TRPM7: variants seen among roughly 807,000 people sequenced by gnomAD.
TRPM7 encodes LTRPC ion channel family member 7.
In TRPM7, 134 loss-of-function variants were observed where a neutral mutation model predicts 229.7. The observed-to-expected ratio is 0.58, with a 90% CI of 0.51 to 0.67. The LOEUF (loss-of-function observed/expected upper bound fraction) is 0.67, where lower values mean the gene tolerates loss of function less well. Among genes scored for constraint, TRPM7 ranks in the 30% least tolerant of loss-of-function variants. The pLI is 0.00. For missense variants in TRPM7, 1,901 were observed against 2,210.0 expected, an observed-to-expected ratio of 0.86 and a Z score of 2.80; for synonymous variants, 699 against 715.2, an observed-to-expected ratio of 0.98 and a Z score of 0.36.
At position 50,637,534 on chromosome 15, in the gene TRPM7, A is replaced by G; in HGVS notation, c.720T>C (p.Asn240=). ...NPLSKLNVLN[N]LHSHFILVDD... ...CCACCAATATGAAATGGGAATGCAG[A>G]TTATTCAAAACATTCAATTTGCTCA... Residue 240 remains asparagine, a synonymous_variant, in exon 7 of 39, where the codon AAT becomes AAC. Transcript: ENST00000646667. The G allele has an allele frequency of 6.2e-7, 1 of 1,614,168 alleles. No individual in the cohort carries two copies. The highest frequency in any genetic ancestry group is 8.5e-7 in the Non-Finnish European group (1 of 1,180,012).
intron 31 of TRPM7, among the ~76,000 whole-genome samples, chr15:50,576,819 G>A (rs918253162): frequency 6.6e-5 from 10 of 152,186 alleles, no homozygotes; most frequent in African/African-American, 2.4e-4. Context: ...AAATTGTTAA[G>A]AGGAGGCCAG....
At chr15:50,635,218 T>C (rs1342675640) in intron 7 of TRPM7, among the ~76,000 whole-genome samples, 4 of 147,316 alleles carry the variant, frequency 2.7e-5, no homozygotes, top group Non-Finnish European at 4.4e-5. Flanking sequence ...TCAGGAGGGC[T>C]GAGGCAGGAG....
intron 4 of TRPM7, among the ~76,000 whole-genome samples, chr15:50,644,012 TG>T (rs1453147572): frequency 6.6e-6 from 1 of 152,216 alleles, no homozygotes. Flanking sequence ...ATTATTTGTA[TG>T]AAAGTTTGGC....
intron 16 of TRPM7, among the ~76,000 whole-genome samples, chr15:50,612,281 G>A (rs1034737698): frequency 3.9e-5 from 6 of 151,996 alleles, no homozygotes; most frequent in African/African-American, 1.5e-4. Flanking sequence ...TGTAGAGACG[G>A]GGTCTGCCTA....
At chr15:50,628,280 T>G in intron 10 of TRPM7, 31 bp from the exon 11 acceptor site, 3 of 1,461,486 alleles carry the variant, frequency 2.1e-6, no homozygotes, top group Non-Finnish European at 2.8e-6. Context: ...GTTGACAGGT[T>G]CAATTAATTT....
At position 50,589,607 on chromosome 15, in the gene TRPM7, C is replaced by T. The variant is rs773353672; in HGVS notation, c.4374G>A (p.Lys1458=). 1.9e-6 allele frequency: 3 copies of T among 1,581,276 alleles called. No individual in the cohort carries two copies. The highest frequency in any genetic ancestry group is 2.6e-6 in the Non-Finnish European group (3 of 1,154,760). Residue 1458 remains lysine (K), a synonymous_variant, in exon 27 of 39, where the codon AAG becomes AAA. Transcript: ENST00000646667. Reference sequence around the variant, plus strand: ...ATTTACTTACGGATAGTATTTTTATCTTGTTTGATGTTTCTTTAAACCTCT... The same window carrying T: ...ATTTACTTACGGATAGTATTTTTATTTTGTTTGATGTTTCTTTAAACCTCT... ...DLQRFKETSN[K]IKILSNNNTS...
intron 38 of TRPM7, among the ~76,000 whole-genome samples, chr15:50,568,542 C>T (rs1486119030): frequency 1.3e-5 from 2 of 152,108 alleles, no homozygotes; most frequent in East Asian, 3.9e-4. Flanking sequence ...ATGGCTGGTA[C>T]TAAGTATCTC....
chr15:50,675,006 A>C (rs190357650), intron 1 of TRPM7, among the ~76,000 whole-genome samples: 2 of 152,232 alleles, frequency 1.3e-5, no homozygotes, highest in African/African-American at 2.4e-5. Flanking sequence ...TTTTTACTAA[A>C]TTTTATGCCT....
intron 17 of TRPM7, among the ~76,000 whole-genome samples, chr15:50,610,178 A>T (rs2060029528): frequency 6.6e-6 from 1 of 152,122 alleles, no homozygotes; most frequent in Non-Finnish European, 1.5e-5. Flanking sequence ...AGAGTAACAA[A>T]ACATTTGATT....
At chr15:50,677,217 A>G (rs146878480) in intron 1 of TRPM7, among the ~76,000 whole-genome samples, 1 of 152,176 alleles carries the variant, frequency 6.6e-6, no homozygotes, top group African/African-American at 2.4e-5. Flanking sequence ...GGGAGTGAAT[A>G]AGCTCTCTGG....
intron 1 of TRPM7, among the ~76,000 whole-genome samples, chr15:50,675,372 C>T (rs1261435871): frequency 1.3e-5 from 2 of 151,864 alleles, no homozygotes; most frequent in African/African-American, 2.4e-5. Context: ...TCTCCTACAG[C>T]CTTCCCTACC....
rs1045683247 is a variant in TRPM7 at position 50,560,033 on chromosome 15, A to C, written c.*1645T>G. The stretch of plus-strand genomic sequence containing the variant: ...GTCTCAAAAAAAAAAAAAAAAAAAA[A>C]AGTATAGCTACTATTATAATCCTGT... On this transcript the variant is annotated 3_prime_UTR_variant, in exon 39 of 39. Coordinates refer to ENST00000646667, the MANE Select transcript of TRPM7 (RefSeq NM_017672.6). 6.9e-6 allele frequency: 1 copy of C among 145,188 alleles called. No individual in the cohort carries two copies. Among genetic ancestry groups the C allele is most frequent in the Non-Finnish European group, 1.5e-5 (1 of 65,582 alleles). 9.0% of individuals were successfully genotyped at this position (145,188 alleles called of 1,614,324 possible).
chr15:50,576,656 G>A (rs2054150465), intron 31 of TRPM7, among the ~76,000 whole-genome samples: 1 of 152,174 alleles, frequency 6.6e-6, no homozygotes, highest in Non-Finnish European at 1.5e-5. Flanking sequence ...CATCCACCCA[G>A]ATGTCACTCC....
intron 11 of TRPM7, among the ~76,000 whole-genome samples, chr15:50,625,074 T>C (rs1318380883): frequency 6.6e-6 from 1 of 152,244 alleles, no homozygotes; most frequent in Non-Finnish European, 1.5e-5. Context: ...TTCAACAGAC[T>C]TGAAATCAAA....
intron 16 of TRPM7, among the ~76,000 whole-genome samples, chr15:50,611,925 T>C (rs1430390840): frequency 6.6e-6 from 1 of 152,246 alleles, no homozygotes; most frequent in Non-Finnish European, 1.5e-5. Flanking sequence ...ATGAACTATG[T>C]CGTTACTCTG....
At chr15:50,655,132 A>T (rs2061525177) in intron 3 of TRPM7, among the ~76,000 whole-genome samples, 1 of 101,072 alleles carries the variant, frequency 9.9e-6, no homozygotes. Flanking sequence ...AAAAAAAGTT[A>T]ATTAAAAAAA....
chr15:50,608,068 A>G lies in TRPM7; in HGVS notation c.2581-740T>C, dbSNP rs1004319960. On this transcript the variant is annotated intron_variant, in intron 19 of 38. Transcript: ENST00000646667. The stretch of plus-strand genomic sequence containing the variant: ...AGACTCTGTCAAAAAAAAAAAAAAA[A>G]AAGAAAGAAAGAAAGAAAAGAAAAG... 2.0e-5 allele frequency among the ~76,000 whole-genome samples: 3 copies of G among 150,058 alleles called. No homozygotes were observed. In the South Asian group the frequency reaches 6.3e-4, roughly 31 times the overall value.
intron 13 of TRPM7, among the ~76,000 whole-genome samples, chr15:50,615,913 A>G (rs2060210555): frequency 6.6e-6 from 1 of 152,158 alleles, no homozygotes; most frequent in African/African-American, 2.4e-5. Context: ...ATATATATAT[A>G]TTGGTTTCAT....
chr15:50,588,671 G>A lies in TRPM7; in HGVS notation c.4389+921C>T, dbSNP rs1348885016. Among the ~76,000 whole-genome samples, 9 of 152,108 alleles carry A rather than the reference G, an allele frequency of 5.9e-5. No homozygotes were observed. The East Asian group carries it at 1.5e-3, about 26-fold the overall frequency. Reference sequence around the variant, plus strand: ...CATTTCTATAATGTAAGTTCTTTAAGGGCTAGAGAAGCTTAACACCTTTCT... The same window carrying A: ...CATTTCTATAATGTAAGTTCTTTAAAGGCTAGAGAAGCTTAACACCTTTCT... On this transcript the variant is annotated intron_variant, in intron 27 of 38. Coordinates refer to ENST00000646667, the MANE Select transcript of TRPM7 (RefSeq NM_017672.6).
Sources: allele counts gnomAD v4.1 joint callset (sites outside exome capture counted in the v4.1 genomes callset), GRCh38; gene constraint gnomAD v4.1.1; transcripts MANE v1.5; gene names NCBI Gene and HGNC (gene_info 2026-07-23, HGNC 2026-07-21).